Variants in PPP2R5D observed in about 807,000 individuals in gnomAD.
PPP2R5D encodes the protein protein phosphatase 2 regulatory subunit B'delta, also known as serine/threonine-protein phosphatase 2A 56 kDa regulatory subunit delta isoform.
In PPP2R5D, 12 loss-of-function variants were observed where a neutral mutation model predicts 79.1. The ratio of observed to expected loss-of-function variants is 0.15; its 90% CI spans 0.10 to 0.25. The LOEUF (loss-of-function observed/expected upper bound fraction) is 0.25. Ranked by LOEUF, PPP2R5D falls within the 10% of genes least tolerant of loss-of-function variation. The probability of loss-of-function intolerance (pLI) is 1.00; values close to 1 mark genes in which losing one functional copy is unlikely to be tolerated. For synonymous variants in PPP2R5D, 277 were observed against 286.6 expected (o/e 0.97, Z 0.34); for missense variants, 419 against 760.2 (o/e 0.55, Z 5.28).
intron 1 of PPP2R5D, among the ~76,000 whole-genome samples, chr6:42,988,154 G>A (rs1770990567): frequency 6.6e-6 from 1 of 152,098 alleles, no homozygotes; most frequent in South Asian, 2.1e-4. Context: ...CCCACACAGA[G>A]CTCTCTTCTC....
Position 43,008,752 on chromosome 6 carries a change from T to C in PPP2R5D, c.1080+6T>C, listed in dbSNP as rs201141176. On this transcript the variant is annotated splice_donor_region_variant and intron_variant, in intron 10 of 15. Coordinates refer to ENST00000485511, the MANE Select transcript of PPP2R5D (RefSeq NM_006245.4). This position sits in a 1 kb window ranked among gnomAD's most constrained non-coding sequence, Gnocchi z 4.2. ...AGAGCAGTCTGACTGAGCCGGTAAT[T>C]CCCCTTCCGGGCCCCAAGGCCCACC... The C allele has an allele frequency of 2.5e-6, 4 of 1,613,722 alleles. No individual in the cohort carries two copies. The African/African-American group carries it at 4.0e-5, about 16-fold the overall frequency.
At chr6:43,001,192 T>C (rs1772172884) in intron 2 of PPP2R5D, among the ~76,000 whole-genome samples, 1 of 152,230 alleles carries the variant, frequency 6.6e-6, no homozygotes, top group Admixed American at 6.5e-5. Context: ...TTCACTCTTG[T>C]TACCTAGGGT....
rs1288346714 is a variant in PPP2R5D, at chr6:43,011,137, A to T, written c.1672-12A>T. 1.2e-6 allele frequency: 2 copies of T among 1,614,000 alleles called. 1 individual carries two copies. The highest frequency in any genetic ancestry group is 2.2e-5 in the South Asian group (2 of 91,084). On this transcript the variant is annotated splice_polypyrimidine_tract_variant and intron_variant, in intron 15 of 15. Transcript: ENST00000485511. ...GGTCACCATTCCTCACCTTGTCCCT[A>T]TTCACACACAGATGCTAAAAGACAT... is the stretch of plus-strand genomic sequence containing the variant.
intron 2 of PPP2R5D, among the ~76,000 whole-genome samples, chr6:42,997,038 C>T (rs1358224222): frequency 6.6e-6 from 1 of 151,966 alleles, no homozygotes; most frequent in African/African-American, 2.4e-5. Context: ...ACAGACTCTT[C>T]CTTTGTTGCC....
chr6:42,990,905 T>A lies in PPP2R5D; in HGVS notation c.105+1217T>A, dbSNP rs1011293008. ...TTTTGTATTTTTAGTAGAGACGGTG[T>A]TTCACCATGTTGGCCAGGCTGGACT... is the stretch of plus-strand genomic sequence containing the variant. On this transcript the variant is annotated intron_variant, in intron 2 of 15. Transcript: ENST00000485511. 3.9e-5 allele frequency among the ~76,000 whole-genome samples: 6 copies of A among 152,090 alleles called. No individual in the cohort carries two copies. In the South Asian group the frequency reaches 1.2e-3, roughly 32 times the overall value.
At chr6:42,995,502 C>G (rs1397216324) in intron 2 of PPP2R5D, among the ~76,000 whole-genome samples, 3 of 151,946 alleles carry the variant, frequency 2.0e-5, no homozygotes, top group Admixed American at 6.6e-5. Context: ...TTCCACTGGC[C>G]CGGACTGCTT....
At chr6:42,989,573 T>C (rs767882849) in intron 1 of PPP2R5D, 38 bp from the exon 2 acceptor site, 2 of 1,534,104 alleles carry the variant, frequency 1.3e-6, no homozygotes, top group South Asian at 1.1e-5. Context: ...TCCCTTCTCC[T>C]GGCATCTGCT....
rs374229763 is a variant in PPP2R5D at position 43,007,928 on chromosome 6, C to T, written c.727-7C>T. The T allele has an allele frequency of 3.2e-5, 51 of 1,613,822 alleles. No homozygotes were observed. In the African/African-American group the frequency reaches 5.1e-4, roughly 16 times the overall value. On this transcript the variant is annotated splice_region_variant and splice_polypyrimidine_tract_variant and intron_variant, in intron 6 of 15. Coordinates refer to ENST00000485511, the MANE Select transcript of PPP2R5D (RefSeq NM_006245.4). The surrounding 1 kb of genome is among the most constrained non-coding windows in gnomAD (Gnocchi z 4.5). ...CACTGGCTGCTTTCCCTCCCTTGTACCCCCAGCTCCTAGACCTATTTGACA... is the reference window on the plus strand; with the variant it reads ...CACTGGCTGCTTTCCCTCCCTTGTATCCCCAGCTCCTAGACCTATTTGACA...
At position 43,009,507 on chromosome 6, in the gene PPP2R5D, A is replaced by T; in HGVS notation, c.1379+58A>T. 6.2e-7 allele frequency: 1 copy of T among 1,608,484 alleles called. No homozygotes were observed. Among genetic ancestry groups the T allele is most frequent in the East Asian group, 2.2e-5 (1 of 44,830 alleles). On this transcript the variant is annotated intron_variant, in intron 12 of 15. Transcript: ENST00000485511. The surrounding 1 kb of genome is among the most constrained non-coding windows in gnomAD (Gnocchi z 5.6). ...ATCCAGTTTGGGAAACTTTGAGGGT[A>T]TGGAAGAACTAAAGAGCCAGGGGTC...
chr6:42,986,418 T>C (rs1183674452), intron 1 of PPP2R5D, among the ~76,000 whole-genome samples: 1 of 152,056 alleles, frequency 6.6e-6, no homozygotes, highest in Non-Finnish European at 1.5e-5. Context: ...ACCTTTTCAA[T>C]CAAACTTTTT....
intron 1 of PPP2R5D, among the ~76,000 whole-genome samples, chr6:42,986,349 A>C (rs1030219846): frequency 6.6e-6 from 1 of 151,988 alleles, no homozygotes; most frequent in African/African-American, 2.4e-5. Flanking sequence ...CGATGACCCC[A>C]GAGGTATATT....
rs543238641 is a variant in PPP2R5D, at chr6:43,010,003, C to T, written c.1380-465C>T. Among the ~76,000 whole-genome samples the T allele has an allele frequency of 2.0e-5, 3 of 152,034 alleles. No individual in the cohort carries two copies. Among genetic ancestry groups the T allele is most frequent in the East Asian group, 1.9e-4 (1 of 5,156 alleles). On this transcript the variant is annotated intron_variant, in intron 12 of 15. Transcript: ENST00000485511. This position sits in a 1 kb window ranked among gnomAD's most constrained non-coding sequence, Gnocchi z 4.7. ...AGAATCACTTGAACCTGGGAGGTGA[C>T]GGTTGCAGTGAGCCGAGATCGTGCC...
intron 2 of PPP2R5D, among the ~76,000 whole-genome samples, chr6:42,991,711 G>A (rs118062044): frequency 1.3e-5 from 2 of 152,290 alleles, no homozygotes; most frequent in East Asian, 3.9e-4. Flanking sequence ...TCACATTAGA[G>A]CTGAAAAGGA....
intron 2 of PPP2R5D, among the ~76,000 whole-genome samples, chr6:42,998,470 CG>C (rs113071633): frequency 1.3e-5 from 2 of 152,106 alleles, no homozygotes; most frequent in African/African-American, 4.8e-5. Flanking sequence ...GTATGAGTGT[CG>C]TGTGGAAATT....
chr6:43,006,471 G>GCAGCCCCAGCCC lies in PPP2R5D; in HGVS notation c.129_140dup (p.Pro44_Gln47dup). The GCAGCCCCAGCCC allele has an allele frequency of 2.5e-6, 4 of 1,612,750 alleles. No homozygotes were observed. In the Admixed American group the frequency reaches 5.0e-5, roughly 20 times the overall value. ...GTGACTTGTTTGACCAGGCCCAGCC[G>GCAGCCCCAGCCC]CAGCCCCAGCCCCAGCCCCAGCCCC... On this transcript the variant is annotated inframe_insertion, in exon 3 of 16. Transcript: ENST00000485511. The surrounding 1 kb of genome is among the most constrained non-coding windows in gnomAD (Gnocchi z 4.7).
rs1762174967 is a variant in PPP2R5D at position 43,007,889 on chromosome 6, C to CCTGGCTGCTGCCTCA, written c.727-36_727-22dup. On this transcript the variant is annotated intron_variant, in intron 6 of 15. Coordinates refer to ENST00000485511, the MANE Select transcript of PPP2R5D (RefSeq NM_006245.4). This position sits in a 1 kb window ranked among gnomAD's most constrained non-coding sequence, Gnocchi z 4.5. ...CTATGTCACCCTGGCCACTGCCTTCCCTGGCTGCTGCCTCACTGGCTGCTT... is the reference window on the plus strand; with the variant it reads ...CTATGTCACCCTGGCCACTGCCTTCCCTGGCTGCTGCCTCACTGGCTGCTGCCTCACTGGCTGCTT... The CCTGGCTGCTGCCTCA allele has an allele frequency of 5.0e-6, 8 of 1,610,394 alleles. No homozygotes were observed. In the East Asian group the frequency reaches 6.7e-5, roughly 13 times the overall value.
In PPP2R5D at chr6:43,009,497, C is replaced by CT. The variant is rs766811454; in HGVS notation, c.1379+51dup. 3 of 1,612,170 alleles carry CT rather than the reference C, an allele frequency of 1.9e-6. No homozygotes were observed. The highest frequency in any genetic ancestry group is 2.5e-6 in the Non-Finnish European group (3 of 1,179,180). Reference sequence around the variant, plus strand: ...GGTGGTGGGGATCCAGTTTGGGAAACTTTGAGGGTATGGAAGAACTAAAGA... The same window carrying CT: ...GGTGGTGGGGATCCAGTTTGGGAAACTTTTGAGGGTATGGAAGAACTAAAGA... On this transcript the variant is annotated intron_variant, in intron 12 of 15. Coordinates refer to ENST00000485511, the MANE Select transcript of PPP2R5D (RefSeq NM_006245.4). This position sits in a 1 kb window ranked among gnomAD's most constrained non-coding sequence, Gnocchi z 5.6.
chr6:43,009,439 C>T lies in PPP2R5D; in HGVS notation c.1369C>T (p.His457Tyr), dbSNP rs2150281533. The change falls in exon 12 of 16, where the codon CAC (histidine) becomes TAC (tyrosine). Residue 457 changes from histidine (H) to tyrosine (Y), a missense_variant. His to Tyr is a moderately conservative substitution (Grantham distance 83). Around this residue, in one of 5 missense-constraint regions of PPP2R5D, gnomAD observed 196 missense variants for 424.5 expected, o/e 0.46. Coordinates refer to ENST00000485511, the MANE Select transcript of PPP2R5D (RefSeq NM_006245.4). The surrounding 1 kb of genome is among the most constrained non-coding windows in gnomAD (Gnocchi z 5.6). ...TGCACTCTACAGGAACTCCAAGAGC[C>T]ACTGGAACAAGTAAGGCGCTGGGGT... is the stretch of plus-strand genomic sequence containing the variant. ...FPALYRNSKSHWNKTIHGLIY... is the reference protein window; with the variant it reads ...FPALYRNSKSYWNKTIHGLIY... The T allele has an allele frequency of 1.2e-6, 2 of 1,614,106 alleles. No individual in the cohort carries two copies. The highest frequency in any genetic ancestry group is 1.7e-6 in the Non-Finnish European group (2 of 1,180,024).
At chr6:42,997,578 C>T (rs1356502020) in intron 2 of PPP2R5D, among the ~76,000 whole-genome samples, 2 of 151,944 alleles carry the variant, frequency 1.3e-5, no homozygotes, top group Non-Finnish European at 2.9e-5. Flanking sequence ...GGCGCGATCT[C>T]AGCTCACTGC....
Sources: gnomAD v4.1 joint callset for allele counts (sites outside exome capture counted in the v4.1 genomes callset) on GRCh38, gnomAD v4.1.1 for gene constraint, gnomAD v4.1.1 regional missense constraint, Gnocchi (gnomAD v3.1) non-coding constraint, MANE v1.5 for transcripts, NCBI Gene and HGNC (gene_info 2026-07-23, HGNC 2026-07-21) for gene names.